The following TENM4 variants were observed in gnomAD, a reference collection of about 807,000 sequenced individuals.
TENM4 encodes teneurin-4.
Under a neutral mutation model 243.3 loss-of-function variants are expected in TENM4, and 82 were observed. That is an observed-to-expected ratio of 0.34 (90% confidence interval 0.28 to 0.40). The LOEUF (loss-of-function observed/expected upper bound fraction) is 0.40, where lower values mean the gene tolerates loss of function less well. Among genes scored for constraint, TENM4 ranks in the 10% least tolerant of loss-of-function variants. The pLI, the probability that TENM4 is intolerant of heterozygous loss-of-function variation, is 1.00. For synonymous variants in TENM4, 1,412 were observed against 1,456.3 expected (o/e 0.97, Z 0.69); for missense variants, 3,138 against 3,673.3 (o/e 0.85, Z 3.77).
chr11:78,813,740 T>C (rs1857548161), intron 13 of TENM4, among the ~76,000 whole-genome samples: 1 of 152,146 alleles, frequency 6.6e-6, no homozygotes, highest in Non-Finnish European at 1.5e-5. Flanking sequence ...ACAATGTTTA[T>C]CATGGGCACT....
intron 2 of TENM4, among the ~76,000 whole-genome samples, chr11:79,231,075 A>G (rs1864364346): frequency 6.6e-6 from 1 of 152,226 alleles, no homozygotes; most frequent in Non-Finnish European, 1.5e-5. Context: ...CAAAAATGAA[A>G]GTTAATTTTA....
intron 1 of TENM4, among the ~76,000 whole-genome samples, chr11:79,339,059 G>T (rs968738442): frequency 2.0e-5 from 3 of 152,178 alleles, no homozygotes; most frequent in Admixed American, 6.5e-5. Context: ...ACAAAGCTGG[G>T]GCTCTGAGTG....
intron 20 of TENM4, among the ~76,000 whole-genome samples, chr11:78,733,041 C>A (rs1334015936): frequency 6.6e-6 from 1 of 152,156 alleles, no homozygotes; most frequent in African/African-American, 2.4e-5. Flanking sequence ...TCATTTTTTT[C>A]ATCTGTAAAA....
At chr11:78,658,857 G>T (rs749320337) in intron 33 of TENM4, 41 bp from the exon 34 acceptor site, 1 of 1,565,752 alleles carries the variant, frequency 6.4e-7, no homozygotes, top group South Asian at 1.2e-5. Context: ...AAGACAAAGG[G>T]GAAAAAACCC....
intron 4 of TENM4, among the ~76,000 whole-genome samples, chr11:79,144,953 A>G (rs564539898): frequency 9.3e-4 from 142 of 152,220 alleles, no homozygotes; most frequent in Middle Eastern, 3.4e-3. Context: ...AACACAAATA[A>G]ATGATAAATG....
chr11:79,093,805 C>G (rs1189123958), intron 4 of TENM4: 2 of 152,330 alleles, frequency 1.3e-5, no homozygotes, highest in South Asian at 2.1e-4. Context: ...CTCCATTGCT[C>G]TCAACTCAAT....
chr11:78,771,620 CT>C (rs1183689898), intron 17 of TENM4, among the ~76,000 whole-genome samples: 1 of 152,150 alleles, frequency 6.6e-6, no homozygotes. Flanking sequence ...AAGGGTGTTA[CT>C]TTTTCCAACT....
chr11:78,696,149 T>C (rs1206665024), intron 28 of TENM4, among the ~76,000 whole-genome samples: 2 of 152,146 alleles, frequency 1.3e-5, no homozygotes, highest in East Asian at 1.9e-4. Flanking sequence ...AGCTGTGTCA[T>C]GCTGTGTCCT....
chr11:78,920,122 G>T (rs1856417071), intron 6 of TENM4, among the ~76,000 whole-genome samples: 1 of 152,096 alleles, frequency 6.6e-6, no homozygotes, highest in Non-Finnish European at 1.5e-5. Context: ...CAGATGAGCA[G>T]GAATCACTCT....
chr11:78,687,322 CT>C (rs1433254609), intron 29 of TENM4, among the ~76,000 whole-genome samples: 1 of 152,180 alleles, frequency 6.6e-6, no homozygotes, highest in African/African-American at 2.4e-5. Flanking sequence ...ACTTGGGCTT[CT>C]GACTCTTACC....
At chr11:79,416,639 C>T (rs1208369491) in intron 1 of TENM4, among the ~76,000 whole-genome samples, 1 of 152,152 alleles carries the variant, frequency 6.6e-6, no homozygotes. Flanking sequence ...ATCTCACCCT[C>T]ATAACAACCT....
At chr11:79,137,582 G>A (rs1862135101) in intron 4 of TENM4, among the ~76,000 whole-genome samples, 2 of 152,174 alleles carry the variant, frequency 1.3e-5, no homozygotes, top group Admixed American at 6.5e-5. Context: ...TTACAACCGC[G>A]TGACCAGCTG....
intron 9 of TENM4, among the ~76,000 whole-genome samples, chr11:78,889,363 C>T (rs1366853928): frequency 6.6e-6 from 1 of 152,204 alleles, no homozygotes; most frequent in Non-Finnish European, 1.5e-5. Flanking sequence ...CACCTCCTTC[C>T]TGCTCCTCAC....
chr11:79,400,096 A>AC (rs1209555402), intron 1 of TENM4, among the ~76,000 whole-genome samples: 3 of 111,968 alleles, frequency 2.7e-5, no homozygotes, highest in East Asian at 2.7e-4. Context: ...ACATAAACAC[A>AC]CACCACACAC....
rs184906723 is a variant in TENM4, at chr11:78,965,024, T to C, written c.494-61501A>G. ...CTGGGATTTCAGGTGTGCACTACCA[T>C]GCCTGGCTAATTTTTGTATTTTTAG... On this transcript the variant is annotated intron_variant, in intron 6 of 33. Coordinates refer to ENST00000278550, the MANE Select transcript of TENM4 (RefSeq NM_001098816.3). Among the ~76,000 whole-genome samples the C allele has an allele frequency of 4.1e-3, 625 of 152,162 alleles. 6 individuals carry two copies. The highest frequency in any genetic ancestry group is 0.015 in the African/African-American group (605 of 41,524).
At chr11:79,214,858 T>C (rs188699927) in intron 3 of TENM4, among the ~76,000 whole-genome samples, 32 of 152,366 alleles carry the variant, frequency 2.1e-4, no homozygotes, top group Non-Finnish European at 4.1e-4. Flanking sequence ...GCCTGGTCGC[T>C]AAGTCACTAG....
In TENM4 at chr11:79,086,835, C is replaced by CAAAA. The variant is rs371315703; in HGVS notation, c.-65-16830_-65-16827dup. 5.6e-3 allele frequency among the ~76,000 whole-genome samples: 496 copies of CAAAA among 88,734 alleles called. 14 individuals are homozygous for CAAAA. The highest frequency in any genetic ancestry group is 0.014 in the African/African-American group (314 of 22,550). The allele number at this position is 88,734 out of a possible 152,430, so 58.2% of individuals were successfully genotyped here. On this transcript the variant is annotated intron_variant, in intron 4 of 33. Transcript: ENST00000278550. ...GGTGACAGAGCAAGACTCTGTCTCG[C>CAAAA]AAAAAAAAAAAAAAAAAAGGAAATA... is the stretch of plus-strand genomic sequence containing the variant.
chr11:79,364,878 A>G (rs971385960), intron 1 of TENM4, among the ~76,000 whole-genome samples: 2 of 152,222 alleles, frequency 1.3e-5, no homozygotes, highest in Admixed American at 6.5e-5. Context: ...TCTCAAGTGC[A>G]TTTGATAGGG....
rs971710874 is a variant in TENM4, at chr11:78,912,561, C to G, written c.494-9038G>C. Reference sequence around the variant, plus strand: ...GTGAGCCACCGCGCCTAGCCGACTTCCAAACTTTTAAAGCTAAGAGTAGTC... The same window carrying G: ...GTGAGCCACCGCGCCTAGCCGACTTGCAAACTTTTAAAGCTAAGAGTAGTC... On this transcript the variant is annotated intron_variant, in intron 6 of 33. Transcript: ENST00000278550. Among the ~76,000 whole-genome samples, 10 of 152,126 alleles carry G rather than the reference C, an allele frequency of 6.6e-5. No homozygotes were observed. In the East Asian group the frequency reaches 1.9e-3, roughly 29 times the overall value.
Sources: allele counts gnomAD v4.1 joint callset (sites outside exome capture counted in the v4.1 genomes callset), GRCh38; gene constraint gnomAD v4.1.1; transcripts MANE v1.5; gene names NCBI Gene and HGNC (gene_info 2026-07-23, HGNC 2026-07-21).